Variants in NR2F1-AS1 observed in about 807,000 individuals in gnomAD.
NR2F1-AS1 encodes NR2F1 regulatory antisense RNA 1.
intron 4 of NR2F1-AS1, among the ~76,000 whole-genome samples, chr5:93,436,201 A>C (rs576902883): frequency 6.7e-4 from 102 of 152,352 alleles, no homozygotes; most frequent in Non-Finnish European, 1.2e-3. Flanking sequence ...TTTAAAAAAC[A>C]AACAGAAAAC....
intron 4 of NR2F1-AS1, among the ~76,000 whole-genome samples, chr5:93,424,060 C>A (rs2149843691): frequency 6.6e-6 from 1 of 152,208 alleles, no homozygotes; most frequent in South Asian, 2.1e-4. Context: ...ATATGTGAAC[C>A]CCTCACTATT....
intron 1 of NR2F1-AS1, among the ~76,000 whole-genome samples, chr5:93,564,431 T>C (rs2149922307): frequency 6.6e-6 from 1 of 152,300 alleles, no homozygotes; most frequent in South Asian, 2.1e-4. Context: ...TCATCTCAAC[T>C]AAGAATGAAT....
intron 4 of NR2F1-AS1, among the ~76,000 whole-genome samples, chr5:93,440,193 GTCTCTCTC>G (rs374272400): frequency 1.0e-4 from 15 of 144,028 alleles, no homozygotes; most frequent in African/African-American, 3.6e-4. Flanking sequence ...CTCTCTCTCT[GTCTCTCTC>G]TCTCTCTCTC....
At chr5:93,533,567 G>C (rs1010845610) in intron 4 of NR2F1-AS1, among the ~76,000 whole-genome samples, 1 of 151,944 alleles carries the variant, frequency 6.6e-6, no homozygotes, top group Non-Finnish European at 1.5e-5. Flanking sequence ...GTAAATAATG[G>C]ATTTTAATTT....
intron 1 of NR2F1-AS1, chr5:93,570,043 A>C (rs146653639): frequency 2.0e-5 from 3 of 152,224 alleles, no homozygotes; most frequent in African/African-American, 4.8e-5. Context: ...GGCGCGGGAC[A>C]TATCAACTCT....
chr5:93,443,135 C>G (rs535217320), intron 4 of NR2F1-AS1, among the ~76,000 whole-genome samples: 5 of 152,324 alleles, frequency 3.3e-5, no homozygotes, highest in African/African-American at 1.2e-4. Context: ...CAGAGTGCCT[C>G]TTCTCTTCCA....
chr5:93,505,950 A>C (rs1252880529), intron 4 of NR2F1-AS1, among the ~76,000 whole-genome samples: 1 of 152,232 alleles, frequency 6.6e-6, no homozygotes, highest in South Asian at 2.1e-4. Flanking sequence ...CTCCTCAGAA[A>C]AATGGGTTTT....
At chr5:93,518,342 C>G (rs1404748750) in intron 4 of NR2F1-AS1, among the ~76,000 whole-genome samples, 1 of 152,112 alleles carries the variant, frequency 6.6e-6, no homozygotes, top group Non-Finnish European at 1.5e-5. Flanking sequence ...GATGGTCTTA[C>G]AATTGGTAGT....
At chr5:93,456,586 G>C (rs1196708367) in intron 4 of NR2F1-AS1, among the ~76,000 whole-genome samples, 1 of 151,900 alleles carries the variant, frequency 6.6e-6, no homozygotes, top group Non-Finnish European at 1.5e-5. Flanking sequence ...GTAGAAACTG[G>C]CATGCTTATT....
intron 4 of NR2F1-AS1, among the ~76,000 whole-genome samples, chr5:93,511,451 T>C (rs1751293688): frequency 6.6e-6 from 1 of 152,194 alleles, no homozygotes; most frequent in African/African-American, 2.4e-5. Context: ...AGGACTTCTC[T>C]GCTAATTCCT....
intron 4 of NR2F1-AS1, among the ~76,000 whole-genome samples, chr5:93,464,585 T>G (rs1358136036): frequency 2.0e-5 from 3 of 152,218 alleles, no homozygotes; most frequent in African/African-American, 7.2e-5. Flanking sequence ...TCTACAATGT[T>G]GCAATTACCT....
intron 4 of NR2F1-AS1, among the ~76,000 whole-genome samples, chr5:93,510,306 T>A (rs1030665530): frequency 1.3e-5 from 2 of 152,158 alleles, no homozygotes; most frequent in Non-Finnish European, 2.9e-5. Context: ...TTAGAACTTT[T>A]AATCAAGTTT....
At chr5:93,573,010 G>C (rs1295307057) in intron 1 of NR2F1-AS1, among the ~76,000 whole-genome samples, 1 of 152,258 alleles carries the variant, frequency 6.6e-6, no homozygotes, top group Non-Finnish European at 1.5e-5. Context: ...GCAGGTGCCA[G>C]AGGAGCCAGG....
At chr5:93,554,046 A>G (rs1254378557) in intron 3 of NR2F1-AS1, among the ~76,000 whole-genome samples, 1 of 152,212 alleles carries the variant, frequency 6.6e-6, no homozygotes. Flanking sequence ...ACTCTGATCA[A>G]TTCATTGTAG....
rs776223404 is a variant in NR2F1-AS1, at chr5:93,562,532, G to A, written n.413+832C>T. ...TAGTCTCGAACTCCTGAGCTCAAGCGATCCATCCACCTCAGCCTCCAAAAG... is the reference window on the plus strand; with the variant it reads ...TAGTCTCGAACTCCTGAGCTCAAGCAATCCATCCACCTCAGCCTCCAAAAG... On this transcript the variant is annotated intron_variant and non_coding_transcript_variant, in intron 2 of 5. Transcript: ENST00000660523. Among the ~76,000 whole-genome samples, 93 of 152,136 alleles carry A rather than the reference G, an allele frequency of 6.1e-4. 1 individual carries two copies. The highest frequency in any genetic ancestry group is 2.6e-4 in the Admixed American group (4 of 15,272).
chr5:93,510,368 T>G (rs1751270233), intron 4 of NR2F1-AS1, among the ~76,000 whole-genome samples: 1 of 152,184 alleles, frequency 6.6e-6, no homozygotes, highest in African/African-American at 2.4e-5. Context: ...TAATCATTCC[T>G]TTGTATCAAA....
At chr5:93,519,417 TA>T (rs2149894592) in intron 4 of NR2F1-AS1, among the ~76,000 whole-genome samples, 1 of 152,056 alleles carries the variant, frequency 6.6e-6, no homozygotes, top group African/African-American at 2.4e-5. Context: ...ATAGAAAACA[TA>T]AAGATATATA....
chr5:93,581,737 CCTCTCCCTCT>C (rs1561519364), upstream of NR2F1-AS1, among the ~76,000 whole-genome samples: 2 of 22,482 alleles, frequency 8.9e-5, no homozygotes, highest in African/African-American at 5.6e-4. Flanking sequence ...TCTCTCTCCC[CCTCTCCCTCT>C]CCCTCTCCCT....
intron 1 of NR2F1-AS1, among the ~76,000 whole-genome samples, chr5:93,578,381 G>C (rs183183281): frequency 6.6e-6 from 1 of 152,142 alleles, no homozygotes; most frequent in Admixed American, 6.5e-5. Flanking sequence ...AAGCGGAGCG[G>C]TACCTTCTCA....
Sources: allele counts gnomAD v4.1 joint callset (sites outside exome capture counted in the v4.1 genomes callset), GRCh38; gene constraint gnomAD v4.1.1; transcripts MANE v1.5; gene names NCBI Gene and HGNC (gene_info 2026-07-23, HGNC 2026-07-21).